Variants in THSD7A observed in about 807,000 individuals in gnomAD.
THSD7A encodes thrombospondin type-1 domain-containing protein 7A.
Under a neutral mutation model 231.3 loss-of-function variants are expected in THSD7A, and 96 were observed. The observed-to-expected ratio is 0.41, with a 90% confidence interval of 0.35 to 0.49. The LOEUF is 0.49. THSD7A is among the 20% of genes least tolerant of loss of function. The pLI is 0.05. For synonymous variants in THSD7A, 940 were observed against 743.3 expected (o/e 1.26, Z -4.30); for missense variants, 2,290 against 2,070.2 (o/e 1.11, Z -2.06).
intron 4 of THSD7A, among the ~76,000 whole-genome samples, chr7:11,558,349 T>A (rs894058656): frequency 1.3e-5 from 2 of 152,104 alleles, no homozygotes; most frequent in African/African-American, 4.8e-5. Flanking sequence ...ATTTTAAAAA[T>A]AAAGCCTTTT....
intron 1 of THSD7A, among the ~76,000 whole-genome samples, chr7:11,809,216 A>C (rs1784468764): frequency 6.6e-6 from 1 of 152,186 alleles, no homozygotes; most frequent in South Asian, 2.1e-4. Flanking sequence ...ACCCAAAATC[A>C]TTACCAGTAA....
At chr7:11,471,825 T>G (rs1785951374) in intron 8 of THSD7A, among the ~76,000 whole-genome samples, 1 of 152,140 alleles carries the variant, frequency 6.6e-6, no homozygotes, top group South Asian at 2.1e-4. Flanking sequence ...AAACTCCACA[T>G]ATAATTCAGT....
chr7:11,379,661 G>A lies in THSD7A; in HGVS notation c.4559C>T (p.Pro1520Leu), dbSNP rs1189157566. 13 of 1,592,608 alleles carry A rather than the reference G, an allele frequency of 8.2e-6. No individual in the cohort carries two copies. Among genetic ancestry groups the A allele is most frequent in the Non-Finnish European group, 1.0e-5 (12 of 1,169,002 alleles). The change falls in exon 25 of 28, where the codon CCG becomes CTG. Residue 1520 changes from proline to leucine, a missense_variant. Coordinates refer to ENST00000423059, the MANE Select transcript of THSD7A (RefSeq NM_015204.3). ...ACAGTACGAGTGGGGTTGACTACAC[G>A]GTGGGTTACAAGACCTGTCGGCATC... ...QPDADRSCNP[P>L]CSQPHSYCSE...
In THSD7A at chr7:11,406,191, A is replaced by C; in HGVS notation, c.4237+109T>G. On this transcript the variant is annotated intron_variant, in intron 22 of 27. Coordinates refer to ENST00000423059, the MANE Select transcript of THSD7A (RefSeq NM_015204.3). The surrounding 1 kb of genome is among the most constrained non-coding windows in gnomAD (Gnocchi z 4.7). ...GAGCTGTTGGCATAGATATTACTGA[A>C]TAAGAAGACTGTTGACATCCTGTAA... The C allele has an allele frequency of 8.8e-7, 1 of 1,134,268 alleles. No homozygotes were observed. Among genetic ancestry groups the C allele is most frequent in the African/African-American group, 1.6e-5 (1 of 64,344 alleles). 70.3% of individuals were successfully genotyped at this position (1,134,268 alleles called of 1,614,324 possible).
At chr7:11,597,224 G>T (rs577231628) in intron 2 of THSD7A, among the ~76,000 whole-genome samples, 6 of 152,302 alleles carry the variant, frequency 3.9e-5, no homozygotes, top group Admixed American at 3.9e-4. Context: ...GTGGTGTGGG[G>T]CCTGTCAAGA....
intron 9 of THSD7A, among the ~76,000 whole-genome samples, chr7:11,462,682 A>G (rs1785550398): frequency 6.6e-6 from 1 of 152,174 alleles, no homozygotes; most frequent in African/African-American, 2.4e-5. Flanking sequence ...AAGACCTTCA[A>G]TTCAGGTCAC....
At chr7:11,545,900 G>A (rs112270145) in intron 4 of THSD7A, among the ~76,000 whole-genome samples, 6 of 152,108 alleles carry the variant, frequency 3.9e-5, no homozygotes, top group African/African-American at 1.4e-4. Flanking sequence ...TTGACTGTAG[G>A]ACATGAACAG....
intron 1 of THSD7A, among the ~76,000 whole-genome samples, chr7:11,781,746 C>T (rs1168806964): frequency 6.6e-6 from 1 of 152,120 alleles, no homozygotes; most frequent in African/African-American, 2.4e-5. Flanking sequence ...ATATTGATAA[C>T]GACCTAATTT....
intron 1 of THSD7A, among the ~76,000 whole-genome samples, chr7:11,804,467 A>G (rs937972620): frequency 3.3e-5 from 5 of 152,166 alleles, no homozygotes; most frequent in Admixed American, 2.6e-4. Flanking sequence ...TCTTGATACA[A>G]ATAGACGTTA....
At chr7:11,482,071 A>G in intron 6 of THSD7A, 89 bp from the exon 7 acceptor site, 1 of 1,345,778 alleles carries the variant, frequency 7.4e-7, no homozygotes, top group South Asian at 1.5e-5. Flanking sequence ...GATAAGTTAC[A>G]TTATCTTTCT....
rs116895873 is a variant in THSD7A at position 11,453,594 on chromosome 7, C to T, written c.2606-6170G>A. Among the ~76,000 whole-genome samples, 101 of 151,980 alleles carry T rather than the reference C, an allele frequency of 6.6e-4. 2 individuals are homozygous for T. The South Asian group carries it at 7.7e-3, about 12-fold the overall frequency. On this transcript the variant is annotated intron_variant, in intron 11 of 27. Coordinates refer to ENST00000423059, the MANE Select transcript of THSD7A (RefSeq NM_015204.3). ...AGAGGGGCTATTAGATTAGGCTAGA[C>T]GGGGTAGACCCTAGAAAATATTAAC... is the stretch of plus-strand genomic sequence containing the variant.
In THSD7A at chr7:11,546,199, C is replaced by T. The variant is rs536409707; in HGVS notation, c.1454-3082G>A. On this transcript the variant is annotated intron_variant, in intron 4 of 27. Transcript: ENST00000423059. Reference sequence around the variant, plus strand: ...TGCTCTGTTGTTGCTGGTGTGGGCGCGCGCTCACACACACACACACACACA... The same window carrying T: ...TGCTCTGTTGTTGCTGGTGTGGGCGTGCGCTCACACACACACACACACACA... Among the ~76,000 whole-genome samples the T allele has an allele frequency of 8.1e-4, 83 of 101,898 alleles. 1 individual carries two copies. The highest frequency in any genetic ancestry group is 1.4e-3 in the Non-Finnish European group (70 of 50,038). 66.8% of individuals were successfully genotyped at this position (101,898 alleles called of 152,430 possible).
At chr7:11,703,327 A>C (rs1028341442) in intron 1 of THSD7A, among the ~76,000 whole-genome samples, 3 of 151,246 alleles carry the variant, frequency 2.0e-5, no homozygotes, top group East Asian at 2.0e-4. Context: ...ACACACACAC[A>C]AACTGTGCTT....
chr7:11,576,958 G>A (rs546722918), intron 4 of THSD7A, among the ~76,000 whole-genome samples: 33 of 152,276 alleles, frequency 2.2e-4, no homozygotes, highest in Admixed American at 1.8e-3. Flanking sequence ...TAGGGGAAGC[G>A]AGTATGCTTG....
chr7:11,726,745 G>A (rs1781561328), intron 1 of THSD7A, among the ~76,000 whole-genome samples: 1 of 152,018 alleles, frequency 6.6e-6, no homozygotes, highest in South Asian at 2.1e-4. Context: ...AGCAGGGTAT[G>A]AGTAGTGCTG....
At chr7:11,789,832 G>A (rs921708358) in intron 1 of THSD7A, among the ~76,000 whole-genome samples, 11 of 151,896 alleles carry the variant, frequency 7.2e-5, no homozygotes, top group Admixed American at 2.0e-4. Flanking sequence ...GGCACTGGAT[G>A]CATAATAACT....
At chr7:11,793,244 A>G (rs11981442) in intron 1 of THSD7A, among the ~76,000 whole-genome samples, 4,882 of 152,004 alleles carry the variant, frequency 0.032, 269 homozygotes, top group African/African-American at 0.11. Flanking sequence ...CTTATTGTCT[A>G]CTTTTTAAAC....
chr7:11,420,429 A>G (rs907699513), intron 16 of THSD7A, among the ~76,000 whole-genome samples: 5 of 152,222 alleles, frequency 3.3e-5, no homozygotes, highest in Admixed American at 3.3e-4. Context: ...CAAGTCCCAA[A>G]CCCTTGTGGC....
intron 23 of THSD7A, among the ~76,000 whole-genome samples, chr7:11,388,638 C>T (rs965832431): frequency 6.6e-6 from 1 of 152,114 alleles, no homozygotes. Flanking sequence ...TTTCAAAAAA[C>T]CAGGTAATGG....
Sources: gnomAD v4.1 joint callset for allele counts (sites outside exome capture counted in the v4.1 genomes callset) on GRCh38, gnomAD v4.1.1 for gene constraint, Gnocchi (gnomAD v3.1) non-coding constraint, MANE v1.5 for transcripts, NCBI Gene and HGNC (gene_info 2026-07-23, HGNC 2026-07-21) for gene names.